MED24: variants seen among roughly 807,000 people sequenced by gnomAD.
MED24 encodes mediator complex subunit 24.
In MED24, 74 loss-of-function variants were observed where a neutral mutation model predicts 118.8. The observed-to-expected ratio is 0.62, with a 90% CI of 0.52 to 0.76. The LOEUF is 0.76. MED24 is among the 30% of genes least tolerant of loss of function. The probability of loss-of-function intolerance (pLI) is 0.00; values close to 1 mark genes in which losing one functional copy is unlikely to be tolerated. For missense variants in MED24, 1,041 were observed against 1,278.9 expected (o/e 0.81, Z 2.84); for synonymous variants, 521 against 523.9 (o/e 0.99, Z 0.08).
intron 20 of MED24, 149 bp downstream of exon 20, chr17:40,022,982 C>A: frequency 7.4e-7 from 1 of 1,348,802 alleles, no homozygotes; most frequent in Non-Finnish European, 1.0e-6. Flanking sequence ...CTGGCCAGAG[C>A]TCCCCAAGGA....
rs373322107 is a variant in MED24, at chr17:40,026,235, G to A, written c.1906C>T (p.Arg636Cys). 7.4e-6 allele frequency: 12 copies of A among 1,614,042 alleles called. No individual in the cohort carries two copies. In the African/African-American group the frequency reaches 8.0e-5, roughly 11 times the overall value. The change falls in exon 19 of 26, where the codon CGT becomes TGT. Residue 636 changes from arginine (R) to cysteine (C), a missense_variant. By Grantham distance (180) the Arg-to-Cys change is radical. Around this residue, in one of 3 missense-constraint regions of MED24, gnomAD observed 587 missense variants for 694.4 expected, o/e 0.85. Coordinates refer to ENST00000394128, the MANE Select transcript of MED24 (RefSeq NM_014815.4). ...AHVRMLGLDE[R>C]EKSLQMIRQL... is the part of the protein sequence containing the mutation. Reference sequence around the variant, plus strand: ...CGGATCATCTGCAGCGACTTCTCACGCTCATCCAGCCCCAGCATCCGGACG... The same window carrying A: ...CGGATCATCTGCAGCGACTTCTCACACTCATCCAGCCCCAGCATCCGGACG...
chr17:40,031,822 T>C (rs925398609), intron 10 of MED24, among the ~76,000 whole-genome samples: 1 of 152,040 alleles, frequency 6.6e-6, no homozygotes, highest in Non-Finnish European at 1.5e-5. Flanking sequence ...ACACACACGC[T>C]GAAACACACA....
chr17:40,029,933 G>T, intron 12 of MED24, 74 bp from the exon 13 acceptor site: 1 of 1,397,706 alleles, frequency 7.2e-7, no homozygotes, highest in Non-Finnish European at 1.0e-6. Context: ...CCTCGTTCAA[G>T]CCCGGAAGGA....
chr17:40,026,192 AG>A lies in MED24; in HGVS notation c.1948del (p.Leu650CysfsTer15). The A allele has an allele frequency of 1.2e-6, 2 of 1,614,254 alleles. No individual in the cohort carries two copies. The highest frequency in any genetic ancestry group is 4.5e-5 in the East Asian group (2 of 44,892). On this transcript the variant is annotated frameshift_variant, in exon 19 of 26. Coordinates refer to ENST00000394128, the MANE Select transcript of MED24 (RefSeq NM_014815.4). LOFTEE classifies it high-confidence loss of function. ...GAACTGCAGGGTGTTCTCACTAAAC[AG>A]TGGCCCTGCCAGCTGGCGGATCATC... The part of the protein sequence containing the change: ...LQMIRQLAGP[L>X]FSENTLQFYN...
Position 40,027,006 on chromosome 17 carries a change from G to GCTC in MED24, c.1556_1558dup (p.Gly519dup). Reference sequence around the variant, plus strand: ...CCAGGTCTCGAAGAAGGGCACCTCAGCTCCTGTGCGCGACTCGGACAGAAT... The same window carrying GCTC: ...CCAGGTCTCGAAGAAGGGCACCTCAGCTCCTCCTGTGCGCGACTCGGACAGAAT... On this transcript the variant is annotated inframe_insertion, in exon 17 of 26. Coordinates refer to ENST00000394128, the MANE Select transcript of MED24 (RefSeq NM_014815.4). 6.2e-7 allele frequency: 1 copy of GCTC among 1,614,144 alleles called. No individual in the cohort carries two copies. Among genetic ancestry groups the GCTC allele is most frequent in the Non-Finnish European group, 8.5e-7 (1 of 1,180,022 alleles).
At chr17:40,048,093 T>C (rs1985444740) in intron 3 of MED24, among the ~76,000 whole-genome samples, 1 of 152,272 alleles carries the variant, frequency 6.6e-6, no homozygotes, top group Admixed American at 6.5e-5. Flanking sequence ...AGTCTTGTCA[T>C]GTGACGCCTC....
At position 40,021,989 on chromosome 17, in the gene MED24, A is replaced by G; in HGVS notation, c.2589T>C (p.Ser863=). The G allele has an allele frequency of 6.2e-7, 1 of 1,611,382 alleles. No individual in the cohort carries two copies. The highest frequency in any genetic ancestry group is 8.5e-7 in the Non-Finnish European group (1 of 1,178,662). ...AAAGGATGTTGGCATCGTCCTCATT[A>G]GAGCTCAGCAGTCGCATCAACTTCG... ...QPSKLMRLLS[S]NEDDANILSS... Residue 863 remains serine (S), a synonymous_variant, in exon 23 of 26, where the codon TCT becomes TCC. Transcript: ENST00000394128.
At chr17:40,049,875 C>T (rs1598374966) in intron 3 of MED24, among the ~76,000 whole-genome samples, 1 of 150,762 alleles carries the variant, frequency 6.6e-6, no homozygotes, top group Non-Finnish European at 1.5e-5. Flanking sequence ...TCAGGCTGGG[C>T]GTGGTGGCTC....
At position 40,019,778 on chromosome 17, in the gene MED24, TACTC is replaced by T. The variant is rs762113113; in HGVS notation, c.2853+3_2853+6del. 3 of 1,612,000 alleles carry T rather than the reference TACTC, an allele frequency of 1.9e-6. No individual in the cohort carries two copies. In the East Asian group the frequency reaches 6.7e-5, roughly 36 times the overall value. ...ACCAGCAGGAGAGCCGGGAAGGTGG[TACTC>T]ACGGTGGTGAAGGGCATGAACTGCA... On this transcript the variant is annotated splice_donor_5th_base_variant and intron_variant, in intron 25 of 25. Coordinates refer to ENST00000394128, the MANE Select transcript of MED24 (RefSeq NM_014815.4).
intron 3 of MED24, among the ~76,000 whole-genome samples, chr17:40,047,205 C>A (rs1598370958): frequency 6.6e-6 from 1 of 152,068 alleles, no homozygotes; most frequent in Admixed American, 6.6e-5. Context: ...AGACAGTATA[C>A]GAACTATATC....
chr17:40,038,952 G>A (rs1402125106), intron 3 of MED24, among the ~76,000 whole-genome samples: 1 of 152,182 alleles, frequency 6.6e-6, no homozygotes, highest in Non-Finnish European at 1.5e-5. Context: ...CTGGGAGCCT[G>A]CCTGGGCAGG....
chr17:40,034,964 T>C, intron 6 of MED24, 153 bp downstream of exon 6: 1 of 1,589,076 alleles, frequency 6.3e-7, no homozygotes, highest in Middle Eastern at 1.7e-4. Flanking sequence ...CCCTGGGATG[T>C]GTGCAATGCT....
rs936230573 is a variant in MED24, at chr17:40,033,272, C to T, written c.672-66G>A. 1.6e-5 allele frequency: 25 copies of T among 1,611,840 alleles called. No individual in the cohort carries two copies. Among genetic ancestry groups the T allele is most frequent in the Admixed American group, 3.3e-5 (2 of 60,006 alleles). ...AAAGGTGAAGGCGGAGAGGATGGCA[C>T]GGGTGCCACATCTTCCTACCCCAGG... On this transcript the variant is annotated intron_variant, in intron 7 of 25. Coordinates refer to ENST00000394128, the MANE Select transcript of MED24 (RefSeq NM_014815.4). The surrounding 1 kb of genome is among the most constrained non-coding windows in gnomAD (Gnocchi z 5.2).
chr17:40,032,637 C>T lies in MED24; in HGVS notation c.936+12G>A, dbSNP rs538233935. 52 of 1,601,234 alleles carry T rather than the reference C, an allele frequency of 3.2e-5. No homozygotes were observed. Among genetic ancestry groups the T allele is most frequent in the Non-Finnish European group, 4.1e-5 (48 of 1,168,812 alleles). ...TCCTAGACTGGCTCTGCCCCTCCCA[C>T]GTCCCCAGTACCTTGAGGAAAGTGA... On this transcript the variant is annotated intron_variant, in intron 9 of 25. Transcript: ENST00000394128.
Position 40,033,528 on chromosome 17 carries a change from C to T in MED24, c.560-72G>A. ...AAGGAGCACCTGGCCCTGAACTCCT[C>T]GATTTTGGCACTCCCTCCGGCACAC... On this transcript the variant is annotated intron_variant, in intron 6 of 25. Coordinates refer to ENST00000394128, the MANE Select transcript of MED24 (RefSeq NM_014815.4). The surrounding 1 kb of genome is among the most constrained non-coding windows in gnomAD (Gnocchi z 5.2). The T allele has an allele frequency of 1.5e-6, 2 of 1,314,394 alleles. No individual in the cohort carries two copies. Among genetic ancestry groups the T allele is most frequent in the Non-Finnish European group, 2.1e-6 (2 of 936,368 alleles). 81.4% of individuals were successfully genotyped at this position (1,314,394 alleles called of 1,614,324 possible).
In MED24 at chr17:40,026,264, G is replaced by T; in HGVS notation, c.1877C>A (p.Ala626Asp). ...LAVCAVAWLVAHVRMLGLDER... is the reference protein window; with the variant it reads ...LAVCAVAWLVDHVRMLGLDER... The stretch of plus-strand genomic sequence containing the variant: ...ATCCAGCCCCAGCATCCGGACGTGG[G>T]CCACAAGCCAAGCCACAGCACACAC... The change falls in exon 19 of 26, where the codon GCC (alanine) becomes GAC (aspartate). Residue 626 changes from alanine (A) to aspartate (D), a missense_variant. This residue lies in a region of MED24 where 587 missense variants were observed against 694.4 expected (regional missense o/e 0.85). Coordinates refer to ENST00000394128, the MANE Select transcript of MED24 (RefSeq NM_014815.4). 6.2e-7 allele frequency: 1 copy of T among 1,614,138 alleles called. No individual in the cohort carries two copies. Among genetic ancestry groups the T allele is most frequent in the Non-Finnish European group, 8.5e-7 (1 of 1,180,042 alleles).
chr17:40,041,059 C>T (rs1248373516), intron 3 of MED24, among the ~76,000 whole-genome samples: 1 of 152,134 alleles, frequency 6.6e-6, no homozygotes, highest in African/African-American at 2.4e-5. Context: ...ACATAAGAGT[C>T]TTCTACACTC....
At chr17:40,038,812 G>GCT (rs971872888) in intron 3 of MED24, among the ~76,000 whole-genome samples, 1 of 151,734 alleles carries the variant, frequency 6.6e-6, no homozygotes, top group African/African-American at 2.4e-5. Context: ...AAAATACACT[G>GCT]CTCTGTTCAG....
rs752910657 is a variant in MED24, at chr17:40,053,383, G to A, written c.131-3C>T. ...CATGGCCTGCTCTAGTAACGCATCT[G>A]CAAGAGGAATAGCAAAACACAACTG... On this transcript the variant is annotated splice_polypyrimidine_tract_variant and splice_region_variant and intron_variant, in intron 2 of 25. Transcript: ENST00000394128. The A allele has an allele frequency of 6.2e-6, 10 of 1,613,148 alleles. No individual in the cohort carries two copies. In the Admixed American group the frequency reaches 1.5e-4, roughly 24 times the overall value.
Sources: gnomAD v4.1 joint callset for allele counts (sites outside exome capture counted in the v4.1 genomes callset) on GRCh38, gnomAD v4.1.1 for gene constraint, gnomAD v4.1.1 regional missense constraint, Gnocchi (gnomAD v3.1) non-coding constraint, MANE v1.5 for transcripts, NCBI Gene and HGNC (gene_info 2026-07-23, HGNC 2026-07-21) for gene names.